QTMAN: variants seen among roughly 807,000 people sequenced by gnomAD.
The protein encoded by QTMAN is tRNA-queuosine alpha-mannosyltransferase.
At chr2:144,286,957 C>A in the QTMAN span, among the ~76,000 whole-genome samples, 1 of 152,134 alleles carries the variant, frequency 6.6e-6, no homozygotes, top group Non-Finnish European at 1.5e-5. Flanking sequence ...CTTTTTCATA[C>A]AAATGTAACA....
At chr2:144,027,984 C>T in the QTMAN span, among the ~76,000 whole-genome samples, 6 of 152,242 alleles carry the variant, frequency 3.9e-5, no homozygotes, top group Non-Finnish European at 8.8e-5. Context: ...CCGTTAGTAT[C>T]TAAACTCCTT....
chr2:144,276,185 G>A, the QTMAN span, among the ~76,000 whole-genome samples: 8 of 151,956 alleles, frequency 5.3e-5, no homozygotes, highest in Middle Eastern at 3.4e-3. Flanking sequence ...TTTGGAGTGC[G>A]TGGAAAATAT....
the QTMAN span, among the ~76,000 whole-genome samples, chr2:144,322,010 C>T: frequency 6.6e-6 from 1 of 152,158 alleles, no homozygotes; most frequent in Non-Finnish European, 1.5e-5. Context: ...TTTGGTATGG[C>T]AACCACATAG....
the QTMAN span, among the ~76,000 whole-genome samples, chr2:143,991,744 A>G: frequency 7.7e-6 from 1 of 130,578 alleles, no homozygotes; most frequent in Non-Finnish European, 1.6e-5. Context: ...TGGGGGGGTC[A>G]GCCCCCCGCC....
chr2:144,328,653 G>T, the QTMAN span, among the ~76,000 whole-genome samples: 4 of 152,124 alleles, frequency 2.6e-5, no homozygotes, highest in Non-Finnish European at 4.4e-5. Flanking sequence ...AGTAGGCCAG[G>T]CAGACTAGGA....
At chr2:143,992,872 T>C in the QTMAN span, among the ~76,000 whole-genome samples, 1 of 152,100 alleles carries the variant, frequency 6.6e-6, no homozygotes, top group African/African-American at 2.4e-5. Context: ...AACAGGAATA[T>C]GGAATGAAAC....
chr2:144,095,269 G>T, the QTMAN span, among the ~76,000 whole-genome samples: 2 of 152,058 alleles, frequency 1.3e-5, no homozygotes, highest in Admixed American at 6.5e-5. Flanking sequence ...TCTTAAAACA[G>T]AATTTTATTT....
chr2:144,299,285 C>G, the QTMAN span, among the ~76,000 whole-genome samples: 6 of 152,292 alleles, frequency 3.9e-5, no homozygotes, highest in Middle Eastern at 3.4e-3. Context: ...ATCTTCCCCC[C>G]CAACACCCCC....
chr2:143,970,208 T>C, the QTMAN span, among the ~76,000 whole-genome samples: 2 of 152,234 alleles, frequency 1.3e-5, no homozygotes, highest in Non-Finnish European at 2.9e-5. Context: ...AACTATGACA[T>C]GGACTATAGT....
At chr2:144,068,007 C>A in the QTMAN span, among the ~76,000 whole-genome samples, 1 of 152,110 alleles carries the variant, frequency 6.6e-6, no homozygotes. Flanking sequence ...GCCAAAGAGA[C>A]CTTTAAACAT....
the QTMAN span, among the ~76,000 whole-genome samples, chr2:144,321,678 C>G: frequency 6.6e-6 from 1 of 152,308 alleles, no homozygotes; most frequent in East Asian, 1.9e-4. Flanking sequence ...TCATAGCTCA[C>G]TGCAGCCTCA....
chr2:144,160,014 C>CATTGGCTCACTTGTAAGCCTT, the QTMAN span, among the ~76,000 whole-genome samples: 1 of 151,622 alleles, frequency 6.6e-6, no homozygotes, highest in Non-Finnish European at 1.5e-5. Context: ...TAACAGTACA[C>CATTGGCTCACTTGTAAGCCTT]GTAAAGACTA....
the QTMAN span, among the ~76,000 whole-genome samples, chr2:143,974,065 T>C: frequency 2.0e-5 from 3 of 152,224 alleles, no homozygotes; most frequent in Non-Finnish European, 2.9e-5. Context: ...ATACATATGA[T>C]TTTAGAATAA....
At chr2:143,956,794 C>T in the QTMAN span, among the ~76,000 whole-genome samples, 3 of 145,636 alleles carry the variant, frequency 2.1e-5, no homozygotes, top group African/African-American at 7.4e-5. Context: ...ATTTTTTTTT[C>T]CCAAAACCAT....
chr2:143,981,336 T>TA, the QTMAN span, among the ~76,000 whole-genome samples: 2 of 151,916 alleles, frequency 1.3e-5, no homozygotes, highest in African/African-American at 4.8e-5. Context: ...TGAAGAACCA[T>TA]GTTTTTTTTT....
At chr2:144,151,641 C>T in the QTMAN span, among the ~76,000 whole-genome samples, 50 of 152,192 alleles carry the variant, frequency 3.3e-4, no homozygotes, top group Middle Eastern at 3.4e-3. Flanking sequence ...GCTTTCTTCC[C>T]TTTATCACTT....
chr2:144,298,319 G>A, the QTMAN span, among the ~76,000 whole-genome samples: 2 of 152,096 alleles, frequency 1.3e-5, no homozygotes, highest in Admixed American at 1.3e-4. Flanking sequence ...CGCCCAGAGA[G>A]AGAATATTTT....
At chr2:144,113,574 G>A in the QTMAN span, among the ~76,000 whole-genome samples, 2,960 of 152,286 alleles carry the variant, frequency 0.019, 34 homozygotes, top group Middle Eastern at 0.048. Flanking sequence ...TCCCAAATTT[G>A]GCAAAAGCCA....
the QTMAN span, among the ~76,000 whole-genome samples, chr2:144,167,888 T>G: frequency 6.6e-6 from 1 of 152,172 alleles, no homozygotes; most frequent in Non-Finnish European, 1.5e-5. Flanking sequence ...ATTTTTACTA[T>G]AGCAAAAATG....
Sources: allele counts gnomAD v4.1 joint callset (sites outside exome capture counted in the v4.1 genomes callset), GRCh38; gene constraint gnomAD v4.1.1; transcripts MANE v1.5; gene names NCBI Gene and HGNC (gene_info 2026-07-23, HGNC 2026-07-21).